Variants in SERINC2 observed in about 807,000 individuals in gnomAD.
SERINC2 encodes the protein tumor differentially expressed protein 2.
Under a neutral mutation model 54.2 loss-of-function variants are expected in SERINC2, and 56 were observed. The observed-to-expected ratio is 1.03, with a 90% CI of 0.83 to 1.29. The LOEUF (loss-of-function observed/expected upper bound fraction) is 1.29. SERINC2 is among the 50% of genes most tolerant of loss of function. SERINC2 has a pLI of 0.00. For synonymous variants in SERINC2, 272 were observed against 253.1 expected, an observed-to-expected ratio of 1.07 and a Z score of -0.71; for missense variants, 614 against 607.4, an observed-to-expected ratio of 1.01 and a Z score of -0.12.
chr1:31,413,897 C>CCGTA lies in SERINC2; in HGVS notation c.39+596_39+597insACGT. ...GTCTTCTGTCCGTCTGCCCGTCCGC[C>CCGTA]CGTCCGTCCCTCAGTCTCTCTGCGG... On this transcript the variant is annotated intron_variant, in intron 1 of 9. Coordinates refer to ENST00000373709, the MANE Select transcript of SERINC2 (RefSeq NM_178865.5). The surrounding 1 kb of genome is among the most constrained non-coding windows in gnomAD (Gnocchi z 5.0). The CCGTA allele has an allele frequency of 1.4e-6, 2 of 1,449,178 alleles. No individual in the cohort carries two copies. The highest frequency in any genetic ancestry group is 2.9e-5 in the East Asian group (1 of 34,102). 89.8% of individuals were successfully genotyped at this position (1,449,178 alleles called of 1,614,324 possible). A position where few individuals can be genotyped will look rare whatever the true frequency, so the allele number is the denominator to read the frequency against.
chr1:31,421,279 G>T (rs1419096951), intron 1 of SERINC2, among the ~76,000 whole-genome samples: 1 of 151,886 alleles, frequency 6.6e-6, no homozygotes, highest in Admixed American at 6.6e-5. Context: ...CACCCCTGCT[G>T]CCATCTGTGG....
At position 31,434,301 on chromosome 1, in the gene SERINC2, G is replaced by A. The variant is rs1434461687; in HGVS notation, c.*102G>A. ...TCCCCACACCAATCAGCCAGGCTGAGCCCCCACCCCTGCCCCAGCTCCAGG... is the reference window on the plus strand; with the variant it reads ...TCCCCACACCAATCAGCCAGGCTGAACCCCCACCCCTGCCCCAGCTCCAGG... On this transcript the variant is annotated 3_prime_UTR_variant, in exon 10 of 10. Transcript: ENST00000373709. 3.1e-6 allele frequency: 4 copies of A among 1,270,552 alleles called. No homozygotes were observed. Among genetic ancestry groups the A allele is most frequent in the Non-Finnish European group, 4.4e-6 (4 of 907,664 alleles). The allele number at this position is 1,270,552 out of a possible 1,614,324, so 78.7% of individuals were successfully genotyped here.
intron 8 of SERINC2, among the ~76,000 whole-genome samples, chr1:31,432,093 CAGGGTGGACAGGGTGGAT>C (rs1641283365): frequency 1.7e-3 from 28 of 16,546 alleles, no homozygotes; most frequent in East Asian, 2.5e-3. Context: ...TTAGGGTGGA[CAGGGTGGACAGGGTGGAT>C]AGGGTGGTTA....
rs1553134023 is a variant in SERINC2 at position 31,429,031 on chromosome 1, C to T, written c.834C>T (p.Thr278=). 3.1e-6 allele frequency: 5 copies of T among 1,614,018 alleles called. No homozygotes were observed. Among genetic ancestry groups the T allele is most frequent in the Non-Finnish European group, 4.2e-6 (5 of 1,179,962 alleles). The change falls in exon 7 of 10, where the codon ACC becomes ACT. Residue 278 remains threonine, a synonymous_variant. Coordinates refer to ENST00000373709, the MANE Select transcript of SERINC2 (RefSeq NM_178865.5). ...AGGCCTCGGTCATCACCCTCTACAC[C>T]ATGTTTGTCACCTGGTCAGCCCTAT... ...LLQASVITLY[T]MFVTWSALSS... is the part of the protein sequence containing the mutation.
chr1:31,431,899 G>A (rs1553134583), intron 8 of SERINC2, among the ~76,000 whole-genome samples: 10 of 147,206 alleles, frequency 6.8e-5, no homozygotes, highest in East Asian at 2.0e-4. Flanking sequence ...GGTGGATAGG[G>A]TGGATAGGGT....
upstream of SERINC2, chr1:31,410,401 TGA>T (rs1452272330): frequency 6.5e-7 from 1 of 1,548,500 alleles, no homozygotes; most frequent in African/African-American, 1.4e-5. Context: ...AGCATGAGGC[TGA>T]GAGAGGAGGA....
intron 1 of SERINC2, among the ~76,000 whole-genome samples, chr1:31,418,999 T>C (rs1255564722): frequency 1.3e-5 from 2 of 152,224 alleles, no homozygotes; most frequent in Non-Finnish European, 1.5e-5. Flanking sequence ...GCTGTAAGGC[T>C]CTGAGGCCTG....
At position 31,425,855 on chromosome 1, in the gene SERINC2, C is replaced by G; in HGVS notation, c.552C>G (p.Ser184=). 6.2e-7 allele frequency: 1 copy of G among 1,613,684 alleles called. No homozygotes were observed. The highest frequency in any genetic ancestry group is 8.5e-7 in the Non-Finnish European group (1 of 1,179,964). The part of the protein sequence containing the change: ...QLVLLIDFAH[S]WNQRWLGKAE... ...TGCTGCTCATCGACTTTGCGCACTCCTGGAACCAGCGGTGGCTGGGCAAGG... is the reference window on the plus strand; with the variant it reads ...TGCTGCTCATCGACTTTGCGCACTCGTGGAACCAGCGGTGGCTGGGCAAGG... The change falls in exon 5 of 10, where the codon TCC becomes TCG. Residue 184 remains serine (S), a synonymous_variant. Coordinates refer to ENST00000373709, the MANE Select transcript of SERINC2 (RefSeq NM_178865.5).
chr1:31,434,445 C>A lies in SERINC2; in HGVS notation c.*246C>A. On this transcript the variant is annotated 3_prime_UTR_variant, in exon 10 of 10. Transcript: ENST00000373709. ...ACGGTGGAGCTGCCTCTTCCTTCCC[C>A]TCCTCCCTGTTGCCCATACTCAGCA... 1 of 550,210 alleles carries A rather than the reference C, an allele frequency of 1.8e-6. No individual in the cohort carries two copies. Among genetic ancestry groups the A allele is most frequent in the East Asian group, 3.0e-5 (1 of 33,052 alleles). The allele number at this position is 550,210 out of a possible 1,614,324, so 34.1% of individuals were successfully genotyped here. A position where few individuals can be genotyped will look rare whatever the true frequency, so the allele number is the denominator to read the frequency against.
At position 31,433,078 on chromosome 1, in the gene SERINC2, G is replaced by A; in HGVS notation, c.1125G>A (p.Arg375=). 1 of 1,613,490 alleles carries A rather than the reference G, an allele frequency of 6.2e-7. No individual in the cohort carries two copies. The highest frequency in any genetic ancestry group is 8.5e-7 in the Non-Finnish European group (1 of 1,179,998). ...AGCAGGTGGCAGCCTGTGAGGGCCG[G>A]GCCTTTGACAACGAGCAGGACGGCG... is the stretch of plus-strand genomic sequence containing the variant. ...QQQQVAACEG[R]AFDNEQDGVT... is the part of the protein sequence containing the mutation. Residue 375 remains arginine (R), a synonymous_variant, in exon 9 of 10, where the codon CGG becomes CGA. Transcript: ENST00000373709.
chr1:31,418,666 C>T (rs782798527), intron 1 of SERINC2, among the ~76,000 whole-genome samples: 49 of 152,260 alleles, frequency 3.2e-4, no homozygotes, highest in Non-Finnish European at 4.1e-4. Flanking sequence ...TGAACCACCA[C>T]GCCCAGACAG....
At chr1:31,428,049 T>G (rs1172881239) in intron 6 of SERINC2, among the ~76,000 whole-genome samples, 6 of 150,976 alleles carry the variant, frequency 4.0e-5, no homozygotes, top group Admixed American at 4.0e-4. Flanking sequence ...TGTTTTTGTT[T>G]TTTTGAGACA....
chr1:31,429,622 C>T (rs782700321), intron 8 of SERINC2, 84 bp downstream of exon 8: 14 of 1,419,644 alleles, frequency 9.9e-6, no homozygotes, highest in Admixed American at 4.4e-5. Flanking sequence ...AGCCAGGATA[C>T]CAAACTGGAA....
intron 8 of SERINC2, among the ~76,000 whole-genome samples, chr1:31,431,920 GTT>G (rs1641246196): frequency 2.7e-5 from 4 of 146,686 alleles, no homozygotes; most frequent in Non-Finnish European, 4.6e-5. Flanking sequence ...GGATAGGGTG[GTT>G]AGGGTGGATA....
At chr1:31,430,506 A>G (rs1553134286) in intron 8 of SERINC2, among the ~76,000 whole-genome samples, 1 of 151,398 alleles carries the variant, frequency 6.6e-6, no homozygotes, top group African/African-American at 2.4e-5. Flanking sequence ...TCTAAAAAAA[A>G]AAAAGGTTTT....
At chr1:31,410,545 G>C (rs1640631071), upstream of SERINC2, 1 of 1,483,838 alleles carries the variant, frequency 6.7e-7, no homozygotes, top group Non-Finnish European at 9.0e-7. Context: ...GAAAATTTTA[G>C]CCTGAAGTCA....
At chr1:31,432,147 C>CAGGGTGGAT (rs1641299689) in intron 8 of SERINC2, among the ~76,000 whole-genome samples, 1 of 4,770 alleles carries the variant, frequency 2.1e-4, no homozygotes, top group Non-Finnish European at 4.0e-4. Context: ...ACAGGGTGGA[C>CAGGGTGGAT]AGGGTGGACA....
rs1203159232 is a variant in SERINC2, at chr1:31,425,873, G to A, written c.570G>A (p.Leu190=). 1 of 1,613,226 alleles carries A rather than the reference G, an allele frequency of 6.2e-7. No homozygotes were observed. ...CGCACTCCTGGAACCAGCGGTGGCTGGGCAAGGCCGAGGAGTGCGATTCCC... is the reference window on the plus strand; with the variant it reads ...CGCACTCCTGGAACCAGCGGTGGCTAGGCAAGGCCGAGGAGTGCGATTCCC... The part of the protein sequence containing the change: ...DFAHSWNQRW[L]GKAEECDSRA... The change falls in exon 5 of 10, where the codon CTG becomes CTA. Residue 190 remains leucine, a synonymous_variant. Coordinates refer to ENST00000373709, the MANE Select transcript of SERINC2 (RefSeq NM_178865.5).
chr1:31,431,103 C>A (rs1200265261), intron 8 of SERINC2, among the ~76,000 whole-genome samples: 1 of 151,312 alleles, frequency 6.6e-6, no homozygotes, highest in Non-Finnish European at 1.5e-5. Context: ...CTCTCCCCTC[C>A]CCTCCCTTCC....
Sources: allele counts gnomAD v4.1 joint callset (sites outside exome capture counted in the v4.1 genomes callset), GRCh38; gene constraint gnomAD v4.1.1; non-coding constraint Gnocchi (gnomAD v3.1); transcripts MANE v1.5; gene names NCBI Gene and HGNC (gene_info 2026-07-23, HGNC 2026-07-21).